The following CORIN variants were observed in gnomAD, a reference collection of about 807,000 sequenced individuals.
The protein encoded by CORIN is corin, serine peptidase.
Under a neutral mutation model 125.3 loss-of-function variants are expected in CORIN, and 117 were observed. That is an observed-to-expected ratio of 0.93 (90% confidence interval 0.80 to 1.09). CORIN has a LOEUF of 1.09. Among genes scored for constraint, CORIN ranks in the 50% least tolerant of loss-of-function variants. The pLI is 0.00. For synonymous variants in CORIN, 450 were observed against 466.4 expected (o/e 0.96, Z 0.45); for missense variants, 1,253 against 1,306.7 (o/e 0.96, Z 0.63).
chr4:47,628,164 C>A (rs980448809), intron 16 of CORIN, among the ~76,000 whole-genome samples: 10 of 152,126 alleles, frequency 6.6e-5, no homozygotes, highest in Non-Finnish European at 1.2e-4. Flanking sequence ...GTTTCTCATG[C>A]ACAAACATAA....
chr4:47,780,510 A>C (rs902885410), intron 3 of CORIN, among the ~76,000 whole-genome samples: 3 of 152,202 alleles, frequency 2.0e-5, no homozygotes, highest in African/African-American at 7.2e-5. Context: ...AGGAGTAGGA[A>C]ATAATCCCAG....
At chr4:47,772,726 AACAATGCTT>A (rs769561581) in intron 3 of CORIN, among the ~76,000 whole-genome samples, 10 of 152,290 alleles carry the variant, frequency 6.6e-5, no homozygotes, top group Non-Finnish European at 1.3e-4. Context: ...ATAAGGATAA[AACAATGCTT>A]ACACAATGTC....
At chr4:47,797,635 C>A (rs370503282) in intron 2 of CORIN, among the ~76,000 whole-genome samples, 1 of 151,974 alleles carries the variant, frequency 6.6e-6, no homozygotes, top group Non-Finnish European at 1.5e-5. Context: ...TAATGTGAGA[C>A]AAAATGCATG....
At chr4:47,613,234 C>G (rs1019668668) in intron 19 of CORIN, among the ~76,000 whole-genome samples, 1 of 152,180 alleles carries the variant, frequency 6.6e-6, no homozygotes, top group Admixed American at 6.5e-5. Context: ...GCGGGCAGAT[C>G]ACGAGGTCAG....
At chr4:47,608,760 T>C (rs571221810) in intron 19 of CORIN, among the ~76,000 whole-genome samples, 1 of 152,178 alleles carries the variant, frequency 6.6e-6, no homozygotes, top group African/African-American at 2.4e-5. Context: ...GCCACTTACA[T>C]ATGTCAGACA....
In CORIN at chr4:47,626,513, G is replaced by T; in HGVS notation, c.2207C>A (p.Ser736Tyr). 1 of 1,609,678 alleles carries T rather than the reference G, an allele frequency of 6.2e-7. No homozygotes were observed. Among genetic ancestry groups the T allele is most frequent in the Non-Finnish European group, 8.5e-7 (1 of 1,175,998 alleles). Residue 736 changes from serine to tyrosine, a missense_variant, in exon 17 of 22, where the codon TCT becomes TAT. Transcript: ENST00000273857. ...CTGTTCCTGTATCAATTTGGTCACA[G>T]ATGGTTCTCTGATACAAGGCAAATA... ...ACKQMGLGEP[S>Y]VTKLIQEQEK...
chr4:47,676,545 G>A (rs532713984), intron 9 of CORIN, among the ~76,000 whole-genome samples: 3 of 152,100 alleles, frequency 2.0e-5, no homozygotes, highest in Non-Finnish European at 4.4e-5. Context: ...CTAATAATTC[G>A]TAGCATGCCT....
intron 17 of CORIN, among the ~76,000 whole-genome samples, chr4:47,625,376 A>T (rs1387709640): frequency 6.6e-6 from 1 of 152,128 alleles, no homozygotes. Flanking sequence ...ACTTGTAGTT[A>T]GTAAACCAGG....
At chr4:47,676,302 C>T (rs1195647453) in intron 9 of CORIN, among the ~76,000 whole-genome samples, 5 of 152,192 alleles carry the variant, frequency 3.3e-5, no homozygotes, top group Non-Finnish European at 7.3e-5. Flanking sequence ...ATGCCTTGCA[C>T]CTTCCCACCA....
intron 3 of CORIN, among the ~76,000 whole-genome samples, chr4:47,770,246 T>C (rs947959547): frequency 1.3e-5 from 2 of 152,064 alleles, no homozygotes; most frequent in Non-Finnish European, 2.9e-5. Context: ...AACAGGTATA[T>C]GAAAAAAAGT....
Position 47,623,741 on chromosome 4 carries a change from A to G in CORIN, c.2370T>C (p.Cys790=). The G allele has an allele frequency of 6.2e-7, 1 of 1,614,204 alleles. No individual in the cohort carries two copies. Among genetic ancestry groups the G allele is most frequent in the Middle Eastern group, 1.7e-4 (1 of 6,054 alleles). Residue 790 remains cysteine, a synonymous_variant, in exon 19 of 22, where the codon TGT becomes TGC. Transcript: ENST00000273857. ...KISLLCTKQD[C]GRRPAARMNK... Reference sequence around the variant, plus strand: ...TCATTCGGGCAGCAGGGCGGCGCCCACAGTCTACCAAGGAGCAGAAGACAC... The same window carrying G: ...TCATTCGGGCAGCAGGGCGGCGCCCGCAGTCTACCAAGGAGCAGAAGACAC...
chr4:47,693,167 T>C, intron 5 of CORIN, 84 bp from the exon 6 acceptor site: 1 of 891,086 alleles, frequency 1.1e-6, no homozygotes, highest in Non-Finnish European at 1.8e-6. Context: ...ACATAGAAAA[T>C]CTTCTTTTGC....
At chr4:47,635,952 C>T (rs1029253867) in intron 16 of CORIN, among the ~76,000 whole-genome samples, 3 of 152,270 alleles carry the variant, frequency 2.0e-5, no homozygotes, top group South Asian at 2.1e-4. Flanking sequence ...AAATCATGTT[C>T]TTATTTACCC....
chr4:47,667,467 C>T (rs900747534), intron 10 of CORIN, among the ~76,000 whole-genome samples: 3 of 152,182 alleles, frequency 2.0e-5, no homozygotes, highest in African/African-American at 7.2e-5. Flanking sequence ...CCCAGGCAGA[C>T]CAAAGACTCC....
At chr4:47,644,810 G>A (rs897487911) in intron 14 of CORIN, among the ~76,000 whole-genome samples, 4 of 151,960 alleles carry the variant, frequency 2.6e-5, no homozygotes, top group Admixed American at 6.5e-5. Flanking sequence ...TTTTATGATT[G>A]TAGTTTATGT....
At chr4:47,701,958 C>A (rs1726312535) in intron 5 of CORIN, among the ~76,000 whole-genome samples, 1 of 152,002 alleles carries the variant, frequency 6.6e-6, no homozygotes, top group Non-Finnish European at 1.5e-5. Context: ...TTTCAAATTT[C>A]TAAAAAACAT....
At chr4:47,702,245 T>C (rs562439453) in intron 5 of CORIN, among the ~76,000 whole-genome samples, 2 of 152,316 alleles carry the variant, frequency 1.3e-5, no homozygotes, top group Non-Finnish European at 2.9e-5. Flanking sequence ...GAACAACATA[T>C]AAACTACTTC....
intron 12 of CORIN, among the ~76,000 whole-genome samples, chr4:47,654,037 C>A (rs982009280): frequency 1.3e-5 from 2 of 152,152 alleles, no homozygotes; most frequent in Non-Finnish European, 2.9e-5. Flanking sequence ...TCCACAATTC[C>A]ATTTCTGTAC....
At chr4:47,692,895 A>T in intron 6 of CORIN, 75 bp downstream of exon 6, 1 of 1,134,128 alleles carries the variant, frequency 8.8e-7, no homozygotes, top group Non-Finnish European at 1.3e-6. Context: ...AAAGCAGTCT[A>T]CACAAATGCT....
Sources: allele counts gnomAD v4.1 joint callset (sites outside exome capture counted in the v4.1 genomes callset), GRCh38; gene constraint gnomAD v4.1.1; transcripts MANE v1.5; gene names NCBI Gene and HGNC (gene_info 2026-07-23, HGNC 2026-07-21).